The following HDAC9 variants were observed in gnomAD, a reference collection of about 807,000 sequenced individuals.
HDAC9 encodes histone deacetylase 9.
HDAC9 carries 41 observed loss-of-function variants against 139.4 expected under a neutral mutation model. The observed-to-expected ratio is 0.29, with a 90% confidence interval of 0.23 to 0.38. The LOEUF (loss-of-function observed/expected upper bound fraction) is 0.38, where lower values mean the gene tolerates loss of function less well. Ranked by LOEUF, HDAC9 falls within the 10% of genes least tolerant of loss-of-function variation. The pLI, the probability that HDAC9 is intolerant of heterozygous loss-of-function variation, is 1.00. For synonymous variants in HDAC9, 517 were observed against 476.2 expected, an observed-to-expected ratio of 1.09 and a Z score of -1.12; for missense variants, 1,147 against 1,297.0, an observed-to-expected ratio of 0.88 and a Z score of 1.78.
At chr7:18,563,518 C>A (rs938065606) in intron 2 of HDAC9, among the ~76,000 whole-genome samples, 1 of 152,202 alleles carries the variant, frequency 6.6e-6, no homozygotes, top group Admixed American at 6.5e-5. Flanking sequence ...TTTCTTATAA[C>A]CCCTACAGGC....
At chr7:18,610,536 C>A (rs1202837019) in intron 6 of HDAC9, among the ~76,000 whole-genome samples, 1 of 152,196 alleles carries the variant, frequency 6.6e-6, no homozygotes, top group African/African-American at 2.4e-5. Context: ...CTTGCGCCCT[C>A]TAGACGTTTA....
At chr7:18,920,854 A>T (rs1319997797) in intron 22 of HDAC9, among the ~76,000 whole-genome samples, 1 of 152,114 alleles carries the variant, frequency 6.6e-6, no homozygotes, top group Non-Finnish European at 1.5e-5. Flanking sequence ...CCACTTGATC[A>T]TGGTGGATAA....
At chr7:18,354,580 T>G (rs961584132) in intron 1 of HDAC9, among the ~76,000 whole-genome samples, 1 of 152,184 alleles carries the variant, frequency 6.6e-6, no homozygotes, top group Non-Finnish European at 1.5e-5. Context: ...CACAGAGATA[T>G]GCGCTGTACG....
intron 22 of HDAC9, among the ~76,000 whole-genome samples, chr7:18,890,920 T>C (rs1563027373): frequency 6.6e-6 from 1 of 152,160 alleles, no homozygotes; most frequent in Non-Finnish European, 1.5e-5. Context: ...ACCAAGGTAG[T>C]GTACTCAGGA....
chr7:18,193,415 T>C (rs1172324987), intron 2 of HDAC9, among the ~76,000 whole-genome samples: 1 of 152,212 alleles, frequency 6.6e-6, no homozygotes, highest in African/African-American at 2.4e-5. Flanking sequence ...TTATGATAAA[T>C]TAATTAGTCA....
chr7:18,477,539 A>G (rs914167981), intron 1 of HDAC9, among the ~76,000 whole-genome samples: 1 of 152,198 alleles, frequency 6.6e-6, no homozygotes, highest in African/African-American at 2.4e-5. Flanking sequence ...ATATGGTGAA[A>G]ATACTTCTTT....
At chr7:18,892,674 C>T (rs982123381) in intron 22 of HDAC9, 1 of 151,988 alleles carries the variant, frequency 6.6e-6, no homozygotes, top group East Asian at 1.9e-4. Context: ...TTTGGTTCCT[C>T]GTGTATCTAT....
At chr7:18,973,757 C>T (rs1784389463) in intron 24 of HDAC9, among the ~76,000 whole-genome samples, 1 of 152,172 alleles carries the variant, frequency 6.6e-6, no homozygotes, top group Admixed American at 6.6e-5. Flanking sequence ...TCCCAAATCT[C>T]TCTTAGTGTC....
At chr7:18,851,816 C>A (rs1225363608) in intron 21 of HDAC9, among the ~76,000 whole-genome samples, 1 of 152,164 alleles carries the variant, frequency 6.6e-6, no homozygotes, top group African/African-American at 2.4e-5. Flanking sequence ...GAAAGCAAAC[C>A]ATTTTCCGTT....
chr7:18,935,890 C>T lies in HDAC9; in HGVS notation c.2885C>T (p.Thr962Ile), dbSNP rs1781595484. The change falls in exon 23 of 26, where the codon ACA becomes ATA. Residue 962 changes from threonine (T) to isoleucine (I), a missense_variant. This residue lies in a region of HDAC9 where 407 missense variants were observed against 521.5 expected (regional missense o/e 0.78). Transcript: ENST00000686413. ...VLALEGGHDL[T>I]AICDASEACV... ...GCTCTAGAAGGAGGACATGATCTCA[C>T]AGCCATCTGTGATGCATCAGAAGCC... 6.2e-7 allele frequency: 1 copy of T among 1,613,676 alleles called. No individual in the cohort carries two copies. Among genetic ancestry groups the T allele is most frequent in the Admixed American group, 1.7e-5 (1 of 59,996 alleles).
intron 16 of HDAC9, among the ~76,000 whole-genome samples, chr7:18,774,950 G>A (rs1790630653): frequency 6.6e-6 from 1 of 152,002 alleles, no homozygotes; most frequent in Admixed American, 6.6e-5. Context: ...TGTTGAGAGT[G>A]AGAGACGTGC....
intron 11 of HDAC9, among the ~76,000 whole-genome samples, chr7:18,650,494 G>C (rs1342680724): frequency 6.6e-6 from 1 of 152,058 alleles, no homozygotes; most frequent in Non-Finnish European, 1.5e-5. Flanking sequence ...TTAACTAATT[G>C]CCACTGTTTC....
At chr7:18,703,570 A>G (rs925165177) in intron 12 of HDAC9, among the ~76,000 whole-genome samples, 9 of 152,170 alleles carry the variant, frequency 5.9e-5, no homozygotes, top group African/African-American at 1.9e-4. Flanking sequence ...ATAATCTGGC[A>G]TGTTTCCTAT....
Position 18,996,328 on chromosome 7 carries a change from T to G in HDAC9, c.*266T>G. 1 of 372,414 alleles carries G rather than the reference T, an allele frequency of 2.7e-6. No homozygotes were observed. The highest frequency in any genetic ancestry group is 3.0e-5 in the South Asian group (1 of 33,276). The allele number at this position is 372,414 out of a possible 1,614,324, so 23.1% of individuals were successfully genotyped here. Reference sequence around the variant, plus strand: ...GAAACTGCTTCCAGCATGCTTTTAATATGCTGGGTGACCCACTCCTAGACA... The same window carrying G: ...GAAACTGCTTCCAGCATGCTTTTAAGATGCTGGGTGACCCACTCCTAGACA... On this transcript the variant is annotated 3_prime_UTR_variant, in exon 26 of 26. Coordinates refer to ENST00000686413, the MANE Select transcript of HDAC9 (RefSeq NM_178425.4).
chr7:18,853,110 T>G (rs1470638380), intron 21 of HDAC9, among the ~76,000 whole-genome samples: 1 of 152,148 alleles, frequency 6.6e-6, no homozygotes, highest in Non-Finnish European at 1.5e-5. Context: ...GCTCCGACTT[T>G]CCACCGAAGG....
rs542704020 is a variant in HDAC9, at chr7:18,805,240, T to TGC, written c.2322+11788_2322+11789insGC. Among the ~76,000 whole-genome samples the TGC allele has an allele frequency of 5.4e-3, 827 of 152,092 alleles. 8 individuals carry two copies. Among genetic ancestry groups the TGC allele is most frequent in the Non-Finnish European group, 0.01 (693 of 67,980 alleles). On this transcript the variant is annotated intron_variant, in intron 17 of 25. Transcript: ENST00000686413. ...CACTCATGTCCACAAACAGGAGGAG[T>TGC]AGCTTTTCAGTCTTTAACTTGTTGC...
At chr7:18,854,590 A>C (rs1408551511) in intron 21 of HDAC9, among the ~76,000 whole-genome samples, 1 of 152,086 alleles carries the variant, frequency 6.6e-6, no homozygotes, top group East Asian at 1.9e-4. Context: ...AAAATATAGA[A>C]ATGGCTGTAA....
In HDAC9 at chr7:18,246,502, A is replaced by T. The variant is rs532660033; in HGVS notation, c.25+84153A>T. ...AAAGGAGAACCCATATTCACTAAAT[A>T]GTCACCCCCCCATTCCCACCTTCCT... On this transcript the variant is annotated intron_variant, in intron 2 of 12. Transcript: ENST00000417496. Among the ~76,000 whole-genome samples, 7 of 152,226 alleles carry T rather than the reference A, an allele frequency of 4.6e-5. No individual in the cohort carries two copies. The South Asian group carries it at 1.5e-3, about 32-fold the overall frequency.
At chr7:18,150,410 G>A (rs998918836) in intron 1 of HDAC9, among the ~76,000 whole-genome samples, 1 of 152,124 alleles carries the variant, frequency 6.6e-6, no homozygotes, top group South Asian at 2.1e-4. Flanking sequence ...ACAGGGAATG[G>A]CGATTCTAGA....
Sources: gnomAD v4.1 joint callset for allele counts (sites outside exome capture counted in the v4.1 genomes callset) on GRCh38, gnomAD v4.1.1 for gene constraint, gnomAD v4.1.1 regional missense constraint, MANE v1.5 for transcripts, NCBI Gene and HGNC (gene_info 2026-07-23, HGNC 2026-07-21) for gene names.